The following SLC25A48 variants were observed in gnomAD, a reference collection of about 807,000 sequenced individuals.
SLC25A48 encodes the protein CTC-321K16.1.
Under a neutral mutation model 32.2 loss-of-function variants are expected in SLC25A48, and 29 were observed. The ratio of observed to expected loss-of-function variants is 0.90; its 90% CI spans 0.67 to 1.23. The LOEUF (loss-of-function observed/expected upper bound fraction) is 1.23, where lower values mean the gene tolerates loss of function less well. SLC25A48 is among the 50% of genes most tolerant of loss of function. The pLI is 0.00. For missense variants in SLC25A48, 399 were observed against 422.7 expected (o/e 0.94, Z 0.49); for synonymous variants, 164 against 172.3 (o/e 0.95, Z 0.38).
At chr5:135,653,472 C>T (rs1263985419) in intron 3 of SLC25A48, among the ~76,000 whole-genome samples, 1 of 152,192 alleles carries the variant, frequency 6.6e-6, no homozygotes, top group Non-Finnish European at 1.5e-5. Context: ...AGGTTTTGGT[C>T]ACTCTACCAG....
Position 135,607,610 on chromosome 5 carries a change from G to C in SLC25A48, c.-848-21627G>C, listed in dbSNP as rs112940344. On this transcript the variant is annotated intron_variant, in intron 1 of 10. Coordinates refer to the SLC25A48 transcript ENST00000646290. ...CTGTTGGTGATTGCCTTTAGAAGAA[G>C]AGCATGCATGCATCTCTGAGTGTAT... Among the ~76,000 whole-genome samples, 1,047 of 152,250 alleles carry C rather than the reference G, an allele frequency of 6.9e-3. 16 individuals are homozygous for C. The highest frequency in any genetic ancestry group is 0.024 in the African/African-American group (1,012 of 41,540).
At chr5:135,734,306 A>G (rs975633891) in intron 3 of SLC25A48, among the ~76,000 whole-genome samples, 2 of 151,894 alleles carry the variant, frequency 1.3e-5, no homozygotes, top group African/African-American at 4.8e-5. Context: ...AGGAATAGTC[A>G]GGGAAGCAGA....
chr5:135,586,421 G>T (rs1302882664), intron 1 of SLC25A48, among the ~76,000 whole-genome samples: 1 of 152,220 alleles, frequency 6.6e-6, no homozygotes, highest in African/African-American at 2.4e-5. Flanking sequence ...TGTTTATACT[G>T]AAATTCAAAT....
chr5:135,813,825 G>A (rs531690571), intron 4 of SLC25A48, among the ~76,000 whole-genome samples: 1 of 152,288 alleles, frequency 6.6e-6, no homozygotes, highest in East Asian at 1.9e-4. Flanking sequence ...AGAGGAGGGT[G>A]CTGCGCTGAG....
intron 3 of SLC25A48, among the ~76,000 whole-genome samples, chr5:135,790,391 T>C (rs890816914): frequency 1.3e-5 from 2 of 152,016 alleles, no homozygotes; most frequent in Admixed American, 1.3e-4. Context: ...ACCTGTATTG[T>C]CCTAGAAGTT....
At chr5:135,742,115 T>C (rs1490871154) in intron 3 of SLC25A48, among the ~76,000 whole-genome samples, 1 of 152,250 alleles carries the variant, frequency 6.6e-6, no homozygotes, top group African/African-American at 2.4e-5. Flanking sequence ...AGTCTCATTC[T>C]GTCATCCAGG....
rs147405610 is a variant in SLC25A48, at chr5:135,790,712, A to G, written c.-520-21811A>G. On this transcript the variant is annotated intron_variant, in intron 3 of 10. Transcript: ENST00000646290. Reference sequence around the variant, plus strand: ...ACTCCTAATGTCACAGTGGGTGTACACTATGTGTATACACTGTGTGATATT... The same window carrying G: ...ACTCCTAATGTCACAGTGGGTGTACGCTATGTGTATACACTGTGTGATATT... 3.3e-5 allele frequency among the ~76,000 whole-genome samples: 5 copies of G among 152,086 alleles called. No individual in the cohort carries two copies. The East Asian group carries it at 9.7e-4, about 29-fold the overall frequency.
intron 3 of SLC25A48, among the ~76,000 whole-genome samples, chr5:135,775,606 G>T (rs573646098): frequency 1.3e-5 from 2 of 151,256 alleles, no homozygotes; most frequent in African/African-American, 4.9e-5. Context: ...TCTTAATAAC[G>T]CAGGAGGTGT....
At chr5:135,588,498 A>T (rs1251251914) in intron 1 of SLC25A48, among the ~76,000 whole-genome samples, 4 of 152,214 alleles carry the variant, frequency 2.6e-5, no homozygotes, top group Non-Finnish European at 5.9e-5. Flanking sequence ...GCTCGGCAGG[A>T]TGTCTGCAGG....
At chr5:135,640,921 C>T (rs1016306814) in intron 3 of SLC25A48, among the ~76,000 whole-genome samples, 1 of 152,070 alleles carries the variant, frequency 6.6e-6, no homozygotes, top group African/African-American at 2.4e-5. Context: ...AACATTTTTC[C>T]CCTAAGATCA....
intron 3 of SLC25A48, among the ~76,000 whole-genome samples, chr5:135,675,639 G>A (rs142391062): frequency 7.4e-4 from 113 of 152,062 alleles, no homozygotes; most frequent in African/African-American, 2.6e-3. Context: ...GTGATGTGAT[G>A]CCTCCAGCTT....
At chr5:135,877,302 T>C (rs1762131412) in intron 6 of SLC25A48, among the ~76,000 whole-genome samples, 1 of 152,080 alleles carries the variant, frequency 6.6e-6, no homozygotes, top group Non-Finnish European at 1.5e-5. Context: ...CTTGGTAATC[T>C]TGGCTCCAAG....
At chr5:135,850,314 C>G in intron 2 of SLC25A48, 111 bp from the exon 3 acceptor site, 1 of 1,068,404 alleles carries the variant, frequency 9.4e-7, no homozygotes, top group African/African-American at 1.5e-5. Context: ...AAACCCAGAC[C>G]CTTTGCTGGC....
intron 3 of SLC25A48, among the ~76,000 whole-genome samples, chr5:135,767,474 C>T (rs1308743571): frequency 6.6e-6 from 1 of 151,838 alleles, no homozygotes; most frequent in Admixed American, 6.6e-5. Flanking sequence ...GGGGAGTGTA[C>T]ACCCCCTGGT....
intron 3 of SLC25A48, among the ~76,000 whole-genome samples, chr5:135,661,402 A>G (rs1164292768): frequency 1.3e-5 from 2 of 152,122 alleles, no homozygotes; most frequent in African/African-American, 4.8e-5. Flanking sequence ...CAGTTCTACA[A>G]TGCTCCTTTA....
chr5:135,806,302 C>A (rs1360778401), intron 3 of SLC25A48, among the ~76,000 whole-genome samples: 1 of 151,466 alleles, frequency 6.6e-6, no homozygotes, highest in Non-Finnish European at 1.5e-5. Context: ...TGCAAAATAT[C>A]ATCAATATTT....
At chr5:135,639,042 G>A (rs1752772261) in intron 3 of SLC25A48, among the ~76,000 whole-genome samples, 1 of 152,208 alleles carries the variant, frequency 6.6e-6, no homozygotes, top group Admixed American at 6.5e-5. Context: ...AACTTAAGTA[G>A]TATTAGTCTC....
At chr5:135,799,831 G>T (rs534915290) in intron 3 of SLC25A48, among the ~76,000 whole-genome samples, 8 of 151,506 alleles carry the variant, frequency 5.3e-5, no homozygotes, top group African/African-American at 1.5e-4. Context: ...TTACAATATC[G>T]CAAAGAGTGT....
At chr5:135,669,940 C>A (rs2126941097) in intron 3 of SLC25A48, among the ~76,000 whole-genome samples, 1 of 152,322 alleles carries the variant, frequency 6.6e-6, no homozygotes, top group Non-Finnish European at 1.5e-5. Context: ...GGTCTCTGTT[C>A]TCCATGATGG....
Sources: gnomAD v4.1 joint callset for allele counts (sites outside exome capture counted in the v4.1 genomes callset) on GRCh38, gnomAD v4.1.1 for gene constraint, MANE v1.5 for transcripts, NCBI Gene and HGNC (gene_info 2026-07-23, HGNC 2026-07-21) for gene names.